Variants in MAP7D3 observed in about 807,000 individuals in gnomAD.
The protein encoded by MAP7D3 is MAP7 domain-containing protein 3.
MAP7D3 carries 45 observed loss-of-function variants against 62.2 expected under a neutral mutation model. The ratio of observed to expected loss-of-function variants is 0.72; its 90% confidence interval spans 0.57 to 0.93. MAP7D3 has a LOEUF of 0.93. MAP7D3 is among the 40% of genes least tolerant of loss of function. The pLI is 0.00. For missense variants in MAP7D3, 711 were observed against 683.1 expected (o/e 1.04, Z -0.45); for synonymous variants, 288 against 248.8 (o/e 1.16, Z -1.48).
chrX:136,225,816 A>G (rs990704733), intron 13 of MAP7D3, 93 bp downstream of exon 13: 74 of 565,718 alleles, frequency 1.3e-4, no homozygotes, highest in East Asian at 6.9e-5. Context: ...ACTAGCATAT[A>G]TCAGATTTGT....
chrX:136,230,907 G>A lies in MAP7D3; in HGVS notation c.1473C>T (p.Tyr491=). 2 of 1,198,696 alleles carry A rather than the reference G, an allele frequency of 1.7e-6. No homozygotes were observed. Among genetic ancestry groups the A allele is most frequent in the Non-Finnish European group, 2.3e-6 (2 of 883,953 alleles). Residue 491 remains tyrosine (Y), a synonymous_variant, in exon 9 of 19, where the codon TAC becomes TAT. Coordinates refer to ENST00000316077, the MANE Select transcript of MAP7D3 (RefSeq NM_024597.4). ...ATGATGACCATTTATAACACTCAGT[G>A]TATGATGATAGACGCTTCTTGGCAA... ...IPIAKKRLSS[Y]TECYKWSSSP... is the part of the protein sequence containing the mutation.
intron 16 of MAP7D3, among the ~76,000 whole-genome samples, chrX:136,220,517 T>C (rs1043221360): frequency 8.9e-6 from 1 of 112,432 alleles, no homozygotes; most frequent in Non-Finnish European, 1.9e-5. Flanking sequence ...TGCCCTTTAA[T>C]AGCAGGATAT....
upstream of MAP7D3, among the ~76,000 whole-genome samples, chrX:136,254,865 A>G (rs2074542365): frequency 9.0e-6 from 1 of 111,021 alleles, no homozygotes; most frequent in South Asian, 3.8e-4. Context: ...CTATTTTTAA[A>G]TGATGACATT....
intron 14 of MAP7D3, among the ~76,000 whole-genome samples, chrX:136,223,644 G>A (rs2074157092): frequency 9.0e-6 from 1 of 110,987 alleles, no homozygotes; most frequent in African/African-American, 3.3e-5. Context: ...GACTTGAAAA[G>A]GTACTTCACC....
upstream of MAP7D3, chrX:136,251,511 C>T (rs2074513955): frequency 3.5e-6 from 3 of 845,763 alleles, no homozygotes; most frequent in South Asian, 1.3e-4. Context: ...CCGCCTCGGA[C>T]CTGCGAACCG....
At chrX:136,245,808 A>G (rs767015843) in intron 3 of MAP7D3, among the ~76,000 whole-genome samples, 82 of 111,917 alleles carry the variant, frequency 7.3e-4, no homozygotes, top group African/African-American at 2.3e-3. Context: ...GTTTTTACAA[A>G]TATTGAAGAA....
downstream of MAP7D3, among the ~76,000 whole-genome samples, chrX:136,216,113 T>C (rs745558581): frequency 1.1e-4 from 12 of 110,273 alleles, no homozygotes; most frequent in Non-Finnish European, 1.9e-4. Flanking sequence ...AAACAAAATA[T>C]TTTTTTTAAA....
intron 3 of MAP7D3, among the ~76,000 whole-genome samples, chrX:136,245,783 A>G (rs2074441265): frequency 9.0e-6 from 1 of 111,444 alleles, no homozygotes; most frequent in Non-Finnish European, 1.9e-5. Context: ...CTTTTACTGA[A>G]ATCCCATTCT....
rs2074068365 is a variant in MAP7D3, at chrX:136,216,819, T to C, written c.*1707A>G. ...TTATAATGAAAAAACCCTTGTTTTA[T>C]CTCCAAAGTTTATTTTATATAGCAC... is the stretch of plus-strand genomic sequence containing the variant. On this transcript the variant is annotated 3_prime_UTR_variant, in exon 19 of 19. Transcript: ENST00000316077. The C allele has an allele frequency of 8.9e-6, 1 of 112,073 alleles. No individual in the cohort carries two copies. Among genetic ancestry groups the C allele is most frequent in the South Asian group, 3.7e-4 (1 of 2,677 alleles). The allele number at this position is 112,073 out of a possible 1,213,427, so 9.2% of individuals were successfully genotyped here. A position where few individuals can be genotyped will look rare whatever the true frequency, so the allele number is the denominator to read the frequency against.
Position 136,231,930 on chromosome X carries a change from C to T in MAP7D3, c.1027G>A (p.Val343Met), listed in dbSNP as rs762497051. 18 of 1,209,654 alleles carry T rather than the reference C, an allele frequency of 1.5e-5. No homozygotes were observed. Among genetic ancestry groups the T allele is most frequent in the Admixed American group, 2.2e-5 (1 of 45,726 alleles). The change falls in exon 8 of 19, where the codon GTG (valine) becomes ATG (methionine). Residue 343 changes from valine to methionine, a missense_variant. Physicochemically the swap from Val to Met is conservative, Grantham distance 21. Transcript: ENST00000316077. Reference sequence around the variant, plus strand: ...GTGCTCACCACAGGCGACACGTCCACGCTCACCACAGGGAATGAGTCCGTG... The same window carrying T: ...GTGCTCACCACAGGCGACACGTCCATGCTCACCACAGGGAATGAGTCCGTG... ...VSTDSFPVVS[V>M]DVSPVVSTYD... is the part of the protein sequence containing the mutation.
At chrX:136,224,159 G>A (rs1417100095) in intron 14 of MAP7D3, among the ~76,000 whole-genome samples, 1 of 108,488 alleles carries the variant, frequency 9.2e-6, no homozygotes, top group Non-Finnish European at 1.9e-5. Flanking sequence ...CTAGCACTTT[G>A]GGAGGCTAAG....
At chrX:136,239,444 T>C (rs1418933717) in intron 6 of MAP7D3, among the ~76,000 whole-genome samples, 3 of 112,182 alleles carry the variant, frequency 2.7e-5, no homozygotes, top group Non-Finnish European at 5.6e-5. Flanking sequence ...GGGGAAAACA[T>C]TGACTTATAA....
intron 10 of MAP7D3, among the ~76,000 whole-genome samples, chrX:136,229,994 T>TATATA (rs1491444484): frequency 7.1e-5 from 3 of 42,221 alleles, no homozygotes; most frequent in African/African-American, 2.2e-4. Context: ...TATATATATA[T>TATATA]TTTTTTTTTT....
chrX:136,233,572 C>T (rs1348555086), intron 7 of MAP7D3, among the ~76,000 whole-genome samples: 1 of 100,102 alleles, frequency 1.0e-5, no homozygotes, highest in Non-Finnish European at 2.0e-5. Flanking sequence ...CCGCACCTGG[C>T]CTAATTAAAC....
At position 136,230,926 on chromosome X, in the gene MAP7D3, T is replaced by C. The variant is rs2074259460; in HGVS notation, c.1454A>G (p.Lys485Arg). The C allele has an allele frequency of 8.4e-7, 1 of 1,197,270 alleles. No homozygotes were observed. ...MDKQALIPIA[K>R]KRLSSYTECY... ...CTCAGTGTATGATGATAGACGCTTCTTGGCAATAGGGATTAAGGCCTGTTT... is the reference window on the plus strand; with the variant it reads ...CTCAGTGTATGATGATAGACGCTTCCTGGCAATAGGGATTAAGGCCTGTTT... The change falls in exon 9 of 19, where the codon AAG (lysine) becomes AGG (arginine). Residue 485 changes from lysine (K) to arginine (R), a missense_variant. Physicochemically the swap from Lys to Arg is conservative, Grantham distance 26. Coordinates refer to ENST00000316077, the MANE Select transcript of MAP7D3 (RefSeq NM_024597.4).
intron 4 of MAP7D3, among the ~76,000 whole-genome samples, chrX:136,241,847 T>C (rs1488970158): frequency 9.0e-6 from 1 of 111,471 alleles, no homozygotes; most frequent in African/African-American, 3.3e-5. Context: ...ATCAATATAT[T>C]TGTCTTGACC....
chrX:136,232,097 A>C lies in MAP7D3; in HGVS notation c.860T>G (p.Val287Gly), dbSNP rs1178166305. 8.3e-7 allele frequency: 1 copy of C among 1,209,774 alleles called. No individual in the cohort carries two copies. The highest frequency in any genetic ancestry group is 1.1e-6 in the Non-Finnish European group (1 of 893,842). ...TACTTTCTCCAAGGGAGACTCTTCT[A>C]CTTTTGTTTGAGGAGGTATTTTCAT... ...STMKIPPQTK[V>G]EESPLEKVET... is the part of the protein sequence containing the mutation. Residue 287 changes from valine (V) to glycine (G), a missense_variant, in exon 8 of 19, where the codon GTA (valine) becomes GGA (glycine). Coordinates refer to ENST00000316077, the MANE Select transcript of MAP7D3 (RefSeq NM_024597.4).
chrX:136,236,180 C>T, intron 7 of MAP7D3, 64 bp downstream of exon 7: 1 of 690,661 alleles, frequency 1.4e-6, no homozygotes, highest in Non-Finnish European at 2.2e-6. Flanking sequence ...TCAAGCAATT[C>T]AATGTTGACA....
At position 136,225,963 on chromosome X, in the gene MAP7D3, T is replaced by C. The variant is rs1447389339; in HGVS notation, c.2085A>G (p.Lys695=). The C allele has an allele frequency of 1.7e-6, 2 of 1,206,505 alleles. No individual in the cohort carries two copies. Among genetic ancestry groups the C allele is most frequent in the South Asian group, 1.8e-5 (1 of 55,482 alleles). ...TTTGTAACATAATTCTCTCGTGTTC[T>C]TTCTTGCGTTTGTCAGCTTCCTCTT... is the stretch of plus-strand genomic sequence containing the variant. ...KAQEEADKRK[K]EHERIMLQNL... The change falls in exon 13 of 19, where the codon AAA becomes AAG. Residue 695 remains lysine, a synonymous_variant. Transcript: ENST00000316077.
Sources: gnomAD v4.1 joint callset for allele counts (sites outside exome capture counted in the v4.1 genomes callset) on GRCh38, gnomAD v4.1.1 for gene constraint, MANE v1.5 for transcripts, NCBI Gene and HGNC (gene_info 2026-07-23, HGNC 2026-07-21) for gene names.